NHEJ1: variants seen among roughly 807,000 people sequenced by gnomAD.
NHEJ1 encodes the protein non-homologous end joining factor 1, also known as non-homologous end-joining factor 1.
A neutral mutation model predicts 39.4 loss-of-function variants in NHEJ1; 22 were observed. The observed-to-expected ratio is 0.56, with a 90% CI of 0.40 to 0.80. NHEJ1 has a LOEUF of 0.80. Ranked by LOEUF, NHEJ1 falls within the 30% of genes least tolerant of loss-of-function variation. The pLI is 0.00. For missense variants in NHEJ1, 329 were observed against 357.1 expected (o/e 0.92, Z 0.63); for synonymous variants, 154 against 135.6 (o/e 1.14, Z -0.94).
intron 5 of NHEJ1, among the ~76,000 whole-genome samples, chr2:219,081,226 A>G (rs556357413): frequency 2.0e-5 from 3 of 152,294 alleles, no homozygotes; most frequent in African/African-American, 7.2e-5. Context: ...CTCAGAATAT[A>G]CTAGGGAAGA....
intron 5 of NHEJ1, among the ~76,000 whole-genome samples, chr2:219,107,030 T>C (rs531482519): frequency 9.2e-5 from 14 of 152,302 alleles, no homozygotes; most frequent in African/African-American, 3.1e-4. Context: ...ACAACATTGA[T>C]AATGAGTGCT....
chr2:219,080,722 C>A (rs1949059420), intron 5 of NHEJ1, among the ~76,000 whole-genome samples: 1 of 140,514 alleles, frequency 7.1e-6, no homozygotes, highest in African/African-American at 2.8e-5. Context: ...TATATATATG[C>A]TAGACATTGC....
At chr2:219,148,920 G>A (rs113885081) in intron 3 of NHEJ1, among the ~76,000 whole-genome samples, 5 of 150,950 alleles carry the variant, frequency 3.3e-5, no homozygotes, top group African/African-American at 1.2e-4. Flanking sequence ...TTTCGCTCAT[G>A]TTGCCCAGGC....
At chr2:219,138,308 A>T (rs1949656467) in intron 5 of NHEJ1, among the ~76,000 whole-genome samples, 1 of 152,208 alleles carries the variant, frequency 6.6e-6, no homozygotes, top group South Asian at 2.1e-4. Flanking sequence ...TAAAAGATTC[A>T]AGGTTTATAT....
At chr2:219,088,281 TA>T (rs1375865584) in intron 5 of NHEJ1, among the ~76,000 whole-genome samples, 1 of 152,216 alleles carries the variant, frequency 6.6e-6, no homozygotes, top group East Asian at 1.9e-4. Context: ...TAAAATATTA[TA>T]CAGAAGTGAA....
chr2:219,086,184 C>G (rs1949109965), intron 5 of NHEJ1, among the ~76,000 whole-genome samples: 1 of 152,292 alleles, frequency 6.6e-6, no homozygotes, highest in Non-Finnish European at 1.5e-5. Flanking sequence ...GCTCTAAAAT[C>G]ATTCTCATTT....
Position 219,111,353 on chromosome 2 carries a change from G to GTACAGCT in NHEJ1, c.589-33154_589-33148dup, listed in dbSNP as rs1186724797. Among the ~76,000 whole-genome samples, 1 of 152,108 alleles carries GTACAGCT rather than the reference G, an allele frequency of 6.6e-6. No homozygotes were observed. Among genetic ancestry groups the GTACAGCT allele is most frequent in the Non-Finnish European group, 1.5e-5 (1 of 68,032 alleles). On this transcript the variant is annotated intron_variant, in intron 5 of 7. Coordinates refer to ENST00000356853, the MANE Select transcript of NHEJ1 (RefSeq NM_024782.3). This position sits in a 1 kb window ranked among gnomAD's most constrained non-coding sequence, Gnocchi z 4.1. ...CCTTAAAAAGCAAAGTAGGGGGATG[G>GTACAGCT]TACAGCTTTTAAAAGAGGGGACCAG...
intron 5 of NHEJ1, among the ~76,000 whole-genome samples, chr2:219,134,323 C>A (rs1038069386): frequency 1.3e-5 from 2 of 152,216 alleles, no homozygotes; most frequent in Non-Finnish European, 2.9e-5. Flanking sequence ...TGAGCCTCTA[C>A]TTCTTTATCT....
intron 1 of NHEJ1, among the ~76,000 whole-genome samples, chr2:219,159,580 TATATATGC>T (rs1247141937): frequency 1.4e-4 from 17 of 118,884 alleles, no homozygotes; most frequent in African/African-American, 7.0e-4. Flanking sequence ...TATATGCATA[TATATATGC>T]ATATATATAT....
intron 5 of NHEJ1, among the ~76,000 whole-genome samples, chr2:219,097,406 G>A (rs547025430): frequency 1.3e-5 from 2 of 152,198 alleles, no homozygotes; most frequent in East Asian, 1.9e-4. Context: ...TCTCTTGATG[G>A]ATTGGATGTG....
intron 3 of NHEJ1, among the ~76,000 whole-genome samples, chr2:219,152,680 T>C (rs1443131875): frequency 6.6e-6 from 1 of 152,106 alleles, no homozygotes; most frequent in Non-Finnish European, 1.5e-5. Context: ...TTGCCCAGGC[T>C]GGTCCCAAAC....
At chr2:219,109,111 T>C (rs1216288824) in intron 5 of NHEJ1, among the ~76,000 whole-genome samples, 4 of 152,038 alleles carry the variant, frequency 2.6e-5, no homozygotes, top group Non-Finnish European at 5.9e-5. Context: ...ATGGTTACCA[T>C]TCTCAGACAG....
chr2:219,085,879 T>C (rs751616780), intron 5 of NHEJ1, among the ~76,000 whole-genome samples: 29 of 152,198 alleles, frequency 1.9e-4, no homozygotes, highest in Admixed American at 3.9e-4. Flanking sequence ...CTCACGATGC[T>C]GGACATGCAA....
At chr2:219,148,803 A>AG (rs1295237535) in intron 3 of NHEJ1, among the ~76,000 whole-genome samples, 1 of 152,138 alleles carries the variant, frequency 6.6e-6, no homozygotes, top group Non-Finnish European at 1.5e-5. Context: ...GCATAGTCTA[A>AG]GGTTATTGTT....
chr2:219,120,737 T>C (rs929449122), intron 5 of NHEJ1, among the ~76,000 whole-genome samples: 1 of 152,190 alleles, frequency 6.6e-6, no homozygotes, highest in Non-Finnish European at 1.5e-5. Context: ...TCAAGTATAC[T>C]GCCATTTGTA....
chr2:219,155,958 A>G (rs1012882558), intron 3 of NHEJ1, among the ~76,000 whole-genome samples: 4 of 147,774 alleles, frequency 2.7e-5, no homozygotes, highest in African/African-American at 1.0e-4. Flanking sequence ...TAAAATAAAA[A>G]TAAGCATCAG....
chr2:219,136,609 G>T (rs1280080758), intron 5 of NHEJ1, among the ~76,000 whole-genome samples: 4 of 150,902 alleles, frequency 2.7e-5, no homozygotes, highest in Admixed American at 2.6e-4. Context: ...TTCTTTATTT[G>T]TTTGTTTCTT....
intron 5 of NHEJ1, among the ~76,000 whole-genome samples, chr2:219,106,952 A>G (rs1442533223): frequency 6.6e-6 from 1 of 152,132 alleles, no homozygotes; most frequent in Non-Finnish European, 1.5e-5. Context: ...ATTTTTTCCT[A>G]TTTCCCATTC....
In NHEJ1 at chr2:219,101,720, C is replaced by CT. The variant is rs771681183; in HGVS notation, c.589-23515dup. The stretch of plus-strand genomic sequence containing the variant: ...GCCACCGCACCCGAACTACCTCATT[C>CT]TTTTTTTTTTTTTTTTGAGACAGAG... On this transcript the variant is annotated intron_variant, in intron 5 of 7. Coordinates refer to ENST00000356853, the MANE Select transcript of NHEJ1 (RefSeq NM_024782.3). Among the ~76,000 whole-genome samples, 568 of 125,704 alleles carry CT rather than the reference C, an allele frequency of 4.5e-3. 4 individuals carry two copies. The highest frequency in any genetic ancestry group is 0.035 in the Middle Eastern group (7 of 198). 82.5% of individuals were successfully genotyped at this position (125,704 alleles called of 152,430 possible). A position where few individuals can be genotyped will look rare whatever the true frequency, so the allele number is the denominator to read the frequency against.
Sources: gnomAD v4.1 joint callset for allele counts (sites outside exome capture counted in the v4.1 genomes callset) on GRCh38, gnomAD v4.1.1 for gene constraint, Gnocchi (gnomAD v3.1) non-coding constraint, MANE v1.5 for transcripts, NCBI Gene and HGNC (gene_info 2026-07-23, HGNC 2026-07-21) for gene names.